ANK2: variants seen among roughly 807,000 people sequenced by gnomAD.
ANK2 encodes the protein ankyrin 2.
A neutral mutation model predicts 360.5 loss-of-function variants in ANK2; 83 were observed. That is an observed-to-expected ratio of 0.23 (90% CI 0.19 to 0.28). ANK2 has a LOEUF of 0.28. ANK2 is among the 10% of genes least tolerant of loss of function. The probability of loss-of-function intolerance (pLI) is 1.00; values close to 1 mark genes in which losing one functional copy is unlikely to be tolerated. For synonymous variants in ANK2, 1,740 were observed against 1,759.5 expected, an observed-to-expected ratio of 0.99 and a Z score of 0.28; for missense variants, 4,201 against 4,795.7, an observed-to-expected ratio of 0.88 and a Z score of 3.66.
intron 39 of ANK2, among the ~76,000 whole-genome samples, chr4:113,361,550 T>TG (rs2096227908): frequency 2.0e-5 from 3 of 151,804 alleles, no homozygotes; most frequent in Admixed American, 1.3e-4. Context: ...TTTTTTTTTT[T>TG]TAATATCACT....
rs760127428 is a variant in ANK2 at position 113,359,138 on chromosome 4, G to A, written c.10520G>A (p.Ser3507Asn). The stretch of plus-strand genomic sequence containing the variant: ...CAGGAAATAGTTTCAGACGATGAAA[G>A]TAGTAGTGCCCTGGAAGTATCAGTA... The part of the protein sequence containing the change: ...REQEIVSDDE[S>N]SSALEVSVIE... The change falls in exon 38 of 46, where the codon AGT becomes AAT. Residue 3507 changes from serine to asparagine, a missense_variant. By Grantham distance (46) the Ser-to-Asn change is conservative (BLOSUM62 1). Around this residue, in one of 4 missense-constraint regions of ANK2, gnomAD observed 2,642 missense variants for 2,714.5 expected, o/e 0.97. Coordinates refer to ENST00000357077, the MANE Select transcript of ANK2 (RefSeq NM_001148.6). The A allele has an allele frequency of 1.4e-5, 23 of 1,613,926 alleles. No homozygotes were observed. The highest frequency in any genetic ancestry group is 1.9e-5 in the Non-Finnish European group (23 of 1,179,928).
chr4:112,710,054 A>T, the ANK2 span, among the ~76,000 whole-genome samples: 1 of 152,204 alleles, frequency 6.6e-6, no homozygotes, highest in Admixed American at 6.5e-5. Flanking sequence ...TGAGCCAAGC[A>T]TGGTGCTGAG....
At chr4:113,235,244 A>G (rs2099362339) in intron 5 of ANK2, among the ~76,000 whole-genome samples, 1 of 152,206 alleles carries the variant, frequency 6.6e-6, no homozygotes, top group African/African-American at 2.4e-5. Flanking sequence ...CAGAGCATTT[A>G]ATTTGTGCCA....
intron 2 of ANK2, among the ~76,000 whole-genome samples, chr4:112,985,455 G>A (rs952589313): frequency 1.3e-5 from 2 of 152,174 alleles, no homozygotes; most frequent in African/African-American, 4.8e-5. Flanking sequence ...TCATAGTAGT[G>A]TGTTTCCCTT....
intron 1 of ANK2, among the ~76,000 whole-genome samples, chr4:113,067,196 C>T: frequency 6.6e-6 from 1 of 151,770 alleles, no homozygotes; most frequent in South Asian, 2.1e-4. Context: ...ACAGATTTTA[C>T]CCAGGGAGCT....
rs143309142 is a variant in ANK2 at position 112,853,840 on chromosome 4, G to A, written c.-40+35576G>A. 2.2e-3 allele frequency among the ~76,000 whole-genome samples: 338 copies of A among 152,288 alleles called. 5 individuals are homozygous for A. The highest frequency in any genetic ancestry group is 0.019 in the Admixed American group (292 of 15,292). On this transcript the variant is annotated intron_variant, in intron 1 of 30. Transcript: ENST00000503271. ...GTTTGAGAATTGTGGAGAGGATGCC[G>A]TTTCTAGGAATGGCCACAAGATGGT...
intron 1 of ANK2, among the ~76,000 whole-genome samples, chr4:113,148,027 G>C (rs1708072271): frequency 6.6e-6 from 1 of 152,212 alleles, no homozygotes; most frequent in Non-Finnish European, 1.5e-5. Flanking sequence ...GAAAGAAGCA[G>C]CTCTTGGAGA....
intron 4 of ANK2, among the ~76,000 whole-genome samples, chr4:113,227,873 T>A (rs1297165604): frequency 1.3e-5 from 2 of 152,234 alleles, no homozygotes; most frequent in African/African-American, 4.8e-5. Flanking sequence ...ACTGAGGCAC[T>A]ATTAATAATT....
chr4:113,024,800 T>G (rs975341666), intron 2 of ANK2, among the ~76,000 whole-genome samples: 3 of 152,198 alleles, frequency 2.0e-5, no homozygotes, highest in Non-Finnish European at 2.9e-5. Context: ...TATGCGTTTG[T>G]TAGTCACAAA....
intron 1 of ANK2, among the ~76,000 whole-genome samples, chr4:113,052,905 C>CAATTCT: frequency 6.6e-6 from 1 of 152,308 alleles, no homozygotes; most frequent in Admixed American, 6.5e-5. Context: ...AAAGCAGGAA[C>CAATTCT]AATTCTACGA....
intron 1 of ANK2, chr4:112,904,373 G>C (rs2084497482): frequency 1.2e-6 from 1 of 831,984 alleles, no homozygotes; most frequent in Admixed American, 3.6e-5. Flanking sequence ...AGCTTATTTT[G>C]ATTTGAAATA....
chr4:112,836,420 G>C (rs6533658), intron 1 of ANK2, among the ~76,000 whole-genome samples: 70,726 of 152,024 alleles, frequency 0.47, 17,444 homozygotes, highest in East Asian at 0.9. Context: ...AGGTAGTGGG[G>C]CACTGCTATA....
At chr4:113,138,263 G>A (rs1182458816) in intron 1 of ANK2, among the ~76,000 whole-genome samples, 1 of 152,120 alleles carries the variant, frequency 6.6e-6, no homozygotes, top group Admixed American at 6.5e-5. Flanking sequence ...AATGAATTTA[G>A]TCTATGTATC....
chr4:112,766,578 A>G, the ANK2 span, among the ~76,000 whole-genome samples: 2 of 151,936 alleles, frequency 1.3e-5, no homozygotes, highest in Non-Finnish European at 2.9e-5. Context: ...TTGACTTTCT[A>G]CTCTGGGTAT....
chr4:112,962,293 G>A (rs2035237649), intron 2 of ANK2, among the ~76,000 whole-genome samples: 1 of 152,104 alleles, frequency 6.6e-6, no homozygotes, highest in Non-Finnish European at 1.5e-5. Flanking sequence ...AGAACATGCA[G>A]TAGTTGATTT....
chr4:113,240,446 T>C (rs992507931), intron 7 of ANK2, 39 bp from the exon 8 acceptor site: 1 of 1,493,774 alleles, frequency 6.7e-7, no homozygotes, highest in Non-Finnish European at 9.3e-7. Context: ...CATAGAAAAG[T>C]GAAGCGCTAT....
At chr4:113,157,203 G>T (rs1452530325) in intron 1 of ANK2, among the ~76,000 whole-genome samples, 3 of 151,996 alleles carry the variant, frequency 2.0e-5, no homozygotes, top group African/African-American at 7.2e-5. Context: ...TTTCTTAAAG[G>T]TGTAATCAAC....
At chr4:112,817,520 G>A (rs2055771414), upstream of ANK2, among the ~76,000 whole-genome samples, 1 of 152,046 alleles carries the variant, frequency 6.6e-6, no homozygotes, top group Admixed American at 6.6e-5. Context: ...TAGAATTATT[G>A]TGTATTGCAC....
At chr4:112,920,485 C>T (rs753108257) in intron 2 of ANK2, among the ~76,000 whole-genome samples, 2 of 152,094 alleles carry the variant, frequency 1.3e-5, no homozygotes, top group Non-Finnish European at 2.9e-5. Context: ...TAGAATATAA[C>T]ACTAAAGAGA....
Sources: gnomAD v4.1 joint callset for allele counts (sites outside exome capture counted in the v4.1 genomes callset) on GRCh38, gnomAD v4.1.1 for gene constraint, gnomAD v4.1.1 regional missense constraint, MANE v1.5 for transcripts, NCBI Gene and HGNC (gene_info 2026-07-23, HGNC 2026-07-21) for gene names.